Variants in MEGF9 observed in about 807,000 individuals in gnomAD.
MEGF9 encodes the protein multiple EGF like domains 9.
MEGF9 carries 6 observed loss-of-function variants against 46.8 expected under a neutral mutation model. That is an observed-to-expected ratio of 0.13 (90% CI 0.07 to 0.25). MEGF9 has a LOEUF of 0.25. MEGF9 is among the 10% of genes least tolerant of loss of function. The probability of loss-of-function intolerance (pLI) is 1.00; values close to 1 mark genes in which losing one functional copy is unlikely to be tolerated. For missense variants in MEGF9, 683 were observed against 792.4 expected, an observed-to-expected ratio of 0.86 and a Z score of 1.66; for synonymous variants, 302 against 330.7, an observed-to-expected ratio of 0.91 and a Z score of 0.94.
intron 2 of MEGF9, among the ~76,000 whole-genome samples, chr9:120,630,231 T>C (rs1292898504): frequency 6.6e-6 from 1 of 152,216 alleles, no homozygotes; most frequent in Non-Finnish European, 1.5e-5. Flanking sequence ...TTTCTACTTC[T>C]ATGAGATCAA....
chr9:120,678,079 AGTT>A (rs1008334113), intron 1 of MEGF9, among the ~76,000 whole-genome samples: 7 of 152,090 alleles, frequency 4.6e-5, no homozygotes, highest in African/African-American at 1.7e-4. Flanking sequence ...AATTACCTCT[AGTT>A]GTTGTTGTTG....
chr9:120,615,868 C>T (rs889195239), intron 3 of MEGF9, among the ~76,000 whole-genome samples: 3 of 151,054 alleles, frequency 2.0e-5, no homozygotes, highest in South Asian at 2.1e-4. Context: ...CACTCCAGCC[C>T]GGGAAATAGA....
At chr9:120,688,899 T>C (rs1026000199) in intron 1 of MEGF9, among the ~76,000 whole-genome samples, 1 of 152,210 alleles carries the variant, frequency 6.6e-6, no homozygotes, top group African/African-American at 2.4e-5. Flanking sequence ...CAGAGAACTG[T>C]AATTCTTCTC....
intron 2 of MEGF9, among the ~76,000 whole-genome samples, chr9:120,645,589 T>C (rs191086951): frequency 6.6e-6 from 1 of 152,294 alleles, no homozygotes; most frequent in Non-Finnish European, 1.5e-5. Context: ...TATAGGACAA[T>C]TAGTTACCTG....
At chr9:120,680,342 T>G (rs1282703669) in intron 1 of MEGF9, among the ~76,000 whole-genome samples, 4 of 152,180 alleles carry the variant, frequency 2.6e-5, no homozygotes, top group African/African-American at 4.8e-5. Flanking sequence ...CGAAGGGACT[T>G]GGGCCCCAAA....
rs547834673 is a variant in MEGF9 at position 120,642,394 on chromosome 9, G to A, written c.803+16980C>T. Among the ~76,000 whole-genome samples the A allele has an allele frequency of 1.1e-4, 17 of 152,296 alleles. No homozygotes were observed. In the South Asian group the frequency reaches 3.5e-3, roughly 32 times the overall value. ...TCAGGGTACAGTGGGAAGAGACTTG[G>A]AGCCGGACAGATCTGGGCTCAAATC... On this transcript the variant is annotated intron_variant, in intron 2 of 5. Transcript: ENST00000373930.
chr9:120,615,203 C>G (rs2043465876), intron 3 of MEGF9, among the ~76,000 whole-genome samples: 1 of 151,588 alleles, frequency 6.6e-6, no homozygotes. Flanking sequence ...CACACAATTG[C>G]AATCCAGCCT....
At chr9:120,676,658 A>G (rs1034771611) in intron 1 of MEGF9, among the ~76,000 whole-genome samples, 1 of 152,220 alleles carries the variant, frequency 6.6e-6, no homozygotes, top group Non-Finnish European at 1.5e-5. Context: ...CTAACAACAG[A>G]TATAATTCTG....
chr9:120,695,200 T>A (rs1311210650), intron 1 of MEGF9, among the ~76,000 whole-genome samples: 4 of 152,196 alleles, frequency 2.6e-5, no homozygotes, highest in Non-Finnish European at 4.4e-5. Context: ...CCTATGTACA[T>A]GTTAGGGAGT....
chr9:120,711,326 A>T (rs896503712), intron 1 of MEGF9, among the ~76,000 whole-genome samples: 1 of 152,228 alleles, frequency 6.6e-6, no homozygotes, highest in Non-Finnish European at 1.5e-5. Context: ...GACCCTAGAT[A>T]CCGATATTTT....
chr9:120,686,963 G>T (rs1005283386), intron 1 of MEGF9, among the ~76,000 whole-genome samples: 3 of 151,100 alleles, frequency 2.0e-5, no homozygotes, highest in Non-Finnish European at 4.4e-5. Flanking sequence ...GTGTGTGTGT[G>T]TATGTGTATA....
intron 1 of MEGF9, among the ~76,000 whole-genome samples, chr9:120,691,729 G>A (rs1312202543): frequency 6.6e-6 from 1 of 152,172 alleles, no homozygotes; most frequent in African/African-American, 2.4e-5. Flanking sequence ...GGGAGTAAGT[G>A]ATGGAGCTGG....
chr9:120,631,570 C>T (rs1467365958), intron 2 of MEGF9, among the ~76,000 whole-genome samples: 5 of 151,914 alleles, frequency 3.3e-5, no homozygotes, highest in Admixed American at 3.3e-4. Context: ...CTGCAACCTC[C>T]ACCTCCCAGG....
At chr9:120,657,743 T>C (rs570232359) in intron 2 of MEGF9, among the ~76,000 whole-genome samples, 1 of 152,208 alleles carries the variant, frequency 6.6e-6, no homozygotes, top group South Asian at 2.1e-4. Context: ...ATAGAGTGAT[T>C]ATCAGTTTTC....
chr9:120,632,238 T>C (rs2132308827), intron 2 of MEGF9, among the ~76,000 whole-genome samples: 1 of 152,332 alleles, frequency 6.6e-6, no homozygotes, highest in Admixed American at 6.5e-5. Flanking sequence ...AGAATATCTT[T>C]TAATTTTTTA....
At chr9:120,702,480 CAAAG>C (rs1490841038) in intron 1 of MEGF9, among the ~76,000 whole-genome samples, 1 of 152,092 alleles carries the variant, frequency 6.6e-6, no homozygotes, top group African/African-American at 2.4e-5. Flanking sequence ...CAGAAAAACA[CAAAG>C]AAGGTAATTA....
intron 2 of MEGF9, among the ~76,000 whole-genome samples, chr9:120,645,284 C>T (rs1159250349): frequency 6.6e-6 from 1 of 152,166 alleles, no homozygotes; most frequent in Non-Finnish European, 1.5e-5. Flanking sequence ...ACTGAAGGAG[C>T]TGATTGTTAA....
intron 1 of MEGF9, among the ~76,000 whole-genome samples, chr9:120,669,679 C>T (rs191942081): frequency 6.6e-6 from 1 of 151,478 alleles, no homozygotes; most frequent in Non-Finnish European, 1.5e-5. Flanking sequence ...ATATCTAATA[C>T]CATAGTCTCA....
chr9:120,671,571 G>A (rs1293449403), intron 1 of MEGF9, among the ~76,000 whole-genome samples: 1 of 152,116 alleles, frequency 6.6e-6, no homozygotes, highest in Non-Finnish European at 1.5e-5. Flanking sequence ...ACCTAATTCA[G>A]ATTACCTTAA....
Sources: allele counts gnomAD v4.1 joint callset (sites outside exome capture counted in the v4.1 genomes callset), GRCh38; gene constraint gnomAD v4.1.1; transcripts MANE v1.5; gene names NCBI Gene and HGNC (gene_info 2026-07-23, HGNC 2026-07-21).